The following PPP2CB variants were observed in gnomAD, a reference collection of about 807,000 sequenced individuals.
PPP2CB encodes the protein protein phosphatase 2 catalytic subunit beta.
Under a neutral mutation model 39.1 loss-of-function variants are expected in PPP2CB, and 18 were observed. That is an observed-to-expected ratio of 0.46 (90% CI 0.32 to 0.68). The LOEUF (loss-of-function observed/expected upper bound fraction) is 0.68, where lower values mean the gene tolerates loss of function less well. Among genes scored for constraint, PPP2CB ranks in the 30% least tolerant of loss-of-function variants. PPP2CB has a pLI of 0.04. For missense variants in PPP2CB, 226 were observed against 396.9 expected, an observed-to-expected ratio of 0.57 and a Z score of 3.66; for synonymous variants, 129 against 133.8, an observed-to-expected ratio of 0.96 and a Z score of 0.25.
chr8:30,809,376 G>A (rs1310841173), intron 1 of PPP2CB, among the ~76,000 whole-genome samples: 11 of 152,124 alleles, frequency 7.2e-5, no homozygotes. Context: ...TATCAACAAG[G>A]AGGATGGGGT....
chr8:30,795,068 G>T (rs1192898611), intron 3 of PPP2CB, among the ~76,000 whole-genome samples: 1 of 150,686 alleles, frequency 6.6e-6, no homozygotes, highest in African/African-American at 2.4e-5. Context: ...TAGGTATTCT[G>T]AATCAGAGAG....
intron 3 of PPP2CB, among the ~76,000 whole-genome samples, chr8:30,794,757 T>C (rs1349463481): frequency 2.0e-5 from 3 of 152,140 alleles, no homozygotes; most frequent in Non-Finnish European, 4.4e-5. Flanking sequence ...TGCATGCCAC[T>C]GTACCCAGCT....
intron 3 of PPP2CB, among the ~76,000 whole-genome samples, chr8:30,795,573 G>A (rs79300917): frequency 1.3e-5 from 2 of 152,146 alleles, no homozygotes; most frequent in South Asian, 2.1e-4. Context: ...TGCGTGCCAC[G>A]TCTGGTTTGG....
chr8:30,791,290 T>G lies in PPP2CB; in HGVS notation c.764A>C (p.Asn255Thr). Reference sequence around the variant, plus strand: ...GGGTGCACTGAAAATGGTAACCACATTCCGATCATGACACCAATTGTATCC... The same window carrying G: ...GGGTGCACTGAAAATGGTAACCACAGTCCGATCATGACACCAATTGTATCC... ...MEGYNWCHDR[N>T]VVTIFSAPNY... is the part of the protein sequence containing the mutation. Residue 255 changes from asparagine (N) to threonine (T), a missense_variant, in exon 6 of 7, where the codon AAT becomes ACT. Asn to Thr is a moderately conservative substitution (Grantham distance 65). Transcript: ENST00000221138. The G allele has an allele frequency of 6.2e-7, 1 of 1,611,816 alleles. No homozygotes were observed. Among genetic ancestry groups the G allele is most frequent in the Non-Finnish European group, 8.5e-7 (1 of 1,179,224 alleles).
intron 1 of PPP2CB, among the ~76,000 whole-genome samples, chr8:30,810,876 T>C (rs1283843026): frequency 6.6e-6 from 1 of 152,230 alleles, no homozygotes; most frequent in Non-Finnish European, 1.5e-5. Context: ...TTTCATGATC[T>C]TAAGAGTACC....
At position 30,786,363 on chromosome 8, in the gene PPP2CB, A is replaced by AT. The variant is rs1049625886; in HGVS notation, c.858-57dup. On this transcript the variant is annotated intron_variant, in intron 6 of 6. Coordinates refer to ENST00000221138, the MANE Select transcript of PPP2CB (RefSeq NM_001009552.2). Reference sequence around the variant, plus strand: ...GGATCTGACTTTGCAAAGAAAACAAATGAATAAAGAACAAGACACTGTAGT... The same window carrying AT: ...GGATCTGACTTTGCAAAGAAAACAAATTGAATAAAGAACAAGACACTGTAGT... 21 of 1,380,644 alleles carry AT rather than the reference A, an allele frequency of 1.5e-5. No homozygotes were observed. In the African/African-American group the frequency reaches 2.9e-4, roughly 19 times the overall value. The allele number at this position is 1,380,644 out of a possible 1,614,324, so 85.5% of individuals were successfully genotyped here.
chr8:30,809,441 T>C (rs1806786728), intron 1 of PPP2CB, among the ~76,000 whole-genome samples: 1 of 152,074 alleles, frequency 6.6e-6, no homozygotes, highest in Non-Finnish European at 1.5e-5. Flanking sequence ...TATGTATATA[T>C]ACTCATACAT....
rs1472160682 is a variant in PPP2CB, at chr8:30,812,408, G to A, written c.14C>T (p.Ala5Val). 5 of 1,536,516 alleles carry A rather than the reference G, an allele frequency of 3.3e-6. No individual in the cohort carries two copies. Among genetic ancestry groups the A allele is most frequent in the African/African-American group, 1.4e-5 (1 of 70,626 alleles). The change falls in exon 1 of 7, where the codon GCG (alanine) becomes GTG (valine). Residue 5 changes from alanine to valine, a missense_variant. Around this residue, in one of 4 missense-constraint regions of PPP2CB, gnomAD observed 59 missense variants for 42.6 expected, o/e 1.38. Coordinates refer to ENST00000221138, the MANE Select transcript of PPP2CB (RefSeq NM_001009552.2). Reference sequence around the variant, plus strand: ...CCACTGGTCCAGCTCCTTGGTGAACGCCTTGTCGTCCATGGCGGCCCGATC... The same window carrying A: ...CCACTGGTCCAGCTCCTTGGTGAACACCTTGTCGTCCATGGCGGCCCGATC... MDDK[A>V]FTKELDQWVE...
chr8:30,794,131 C>T, intron 4 of PPP2CB, 53 bp from the exon 5 acceptor site: 1 of 1,605,742 alleles, frequency 6.2e-7, no homozygotes, highest in Non-Finnish European at 8.5e-7. Context: ...CATACTTTAT[C>T]ATCCTCAAAA....
At chr8:30,798,096 CTA>C (rs1266175020) in intron 2 of PPP2CB, among the ~76,000 whole-genome samples, 12 of 152,200 alleles carry the variant, frequency 7.9e-5, no homozygotes, top group African/African-American at 2.9e-4. Context: ...TTCTAGAACA[CTA>C]TGACTTCTTA....
chr8:30,801,735 T>C (rs1490255248), intron 1 of PPP2CB, among the ~76,000 whole-genome samples: 1 of 152,188 alleles, frequency 6.6e-6, no homozygotes, highest in Non-Finnish European at 1.5e-5. Flanking sequence ...CAACAGACTT[T>C]AACACTAGTT....
At chr8:30,793,571 G>A (rs1306837479) in intron 5 of PPP2CB, 2 of 182,184 alleles carry the variant, frequency 1.1e-5, no homozygotes, top group Non-Finnish European at 2.3e-5. Context: ...GTCTGCAACA[G>A]ATATTCAAAT....
intron 1 of PPP2CB, among the ~76,000 whole-genome samples, chr8:30,802,063 A>T (rs1008176411): frequency 1.3e-5 from 2 of 152,294 alleles, no homozygotes; most frequent in Admixed American, 1.3e-4. Flanking sequence ...ATTCTTCTAC[A>T]AATGCCTTTT....
chr8:30,789,212 T>C (rs551259790), intron 6 of PPP2CB, among the ~76,000 whole-genome samples: 1 of 152,226 alleles, frequency 6.6e-6, no homozygotes, highest in Non-Finnish European at 1.5e-5. Flanking sequence ...GTATTTTTAA[T>C]AGAGACTGGG....
intron 3 of PPP2CB, 190 bp from the exon 4 acceptor site, chr8:30,794,471 TTC>T: frequency 1.9e-6 from 1 of 519,616 alleles, no homozygotes; most frequent in Non-Finnish European, 3.3e-6. Flanking sequence ...ACCATTAAAT[TTC>T]TTTTTTTTTT....
chr8:30,789,103 G>A (rs1175427586), intron 6 of PPP2CB, among the ~76,000 whole-genome samples: 2 of 151,234 alleles, frequency 1.3e-5, no homozygotes, highest in Admixed American at 6.6e-5. Context: ...GACTGCAATG[G>A]CGTGATCGCC....
At chr8:30,800,751 T>C (rs572007821) in intron 1 of PPP2CB, among the ~76,000 whole-genome samples, 23 of 152,320 alleles carry the variant, frequency 1.5e-4, no homozygotes, top group Non-Finnish European at 5.9e-5. Context: ...CAGGCCTTAT[T>C]CTGGGCCTAC....
chr8:30,804,628 G>A lies in PPP2CB; in HGVS notation c.103-4873C>T, dbSNP rs147772487. Among the ~76,000 whole-genome samples, 353 of 152,266 alleles carry A rather than the reference G, an allele frequency of 2.3e-3. 2 individuals carry two copies. Among genetic ancestry groups the A allele is most frequent in the African/African-American group, 8.1e-3 (335 of 41,544 alleles). On this transcript the variant is annotated intron_variant, in intron 1 of 6. Transcript: ENST00000221138. ...CATTCCTGTGAATCACTGAACCTAAGAGTGGTTTTCGGAACCCACTGAACT... is the reference window on the plus strand; with the variant it reads ...CATTCCTGTGAATCACTGAACCTAAAAGTGGTTTTCGGAACCCACTGAACT...
chr8:30,792,544 A>T (rs1444514394), intron 5 of PPP2CB, among the ~76,000 whole-genome samples: 1 of 151,806 alleles, frequency 6.6e-6, no homozygotes, highest in Admixed American at 6.6e-5. Context: ...CCTGGCCTCA[A>T]GTGACCCTCT....
Sources: allele counts gnomAD v4.1 joint callset (sites outside exome capture counted in the v4.1 genomes callset), GRCh38; gene constraint gnomAD v4.1.1; regional missense constraint gnomAD v4.1.1; transcripts MANE v1.5; gene names NCBI Gene and HGNC (gene_info 2026-07-23, HGNC 2026-07-21).